SAMD5: variants seen among roughly 807,000 people sequenced by gnomAD.
The protein encoded by SAMD5 is sterile alpha motif domain-containing protein 5.
Under a neutral mutation model 11.3 loss-of-function variants are expected in SAMD5, and 13 were observed. The observed-to-expected ratio is 1.15, with a 90% confidence interval of 0.75 to 1.83. The LOEUF (loss-of-function observed/expected upper bound fraction) is 1.83. SAMD5 is among the 40% of genes most tolerant of loss of function. The pLI is 0.00. For missense variants in SAMD5, 255 were observed against 239.1 expected, an observed-to-expected ratio of 1.07 and a Z score of -0.44; for synonymous variants, 129 against 111.3, an observed-to-expected ratio of 1.16 and a Z score of -1.00.
chr6:147,665,148 T>C (rs2128454832), intron 1 of SAMD5, among the ~76,000 whole-genome samples: 1 of 152,364 alleles, frequency 6.6e-6, no homozygotes, highest in Admixed American at 6.5e-5. Flanking sequence ...GTGTTTAGAC[T>C]TAAAATTTAA....
At chr6:147,917,339 G>A in the SAMD5 span, among the ~76,000 whole-genome samples, 5 of 147,620 alleles carry the variant, frequency 3.4e-5, no homozygotes, top group African/African-American at 1.3e-4. Flanking sequence ...GTGTTTTTTG[G>A]CTGCATAAAT....
At chr6:147,697,625 A>T (rs1562354139) in intron 1 of SAMD5, among the ~76,000 whole-genome samples, 1 of 152,226 alleles carries the variant, frequency 6.6e-6, no homozygotes, top group Non-Finnish European at 1.5e-5. Flanking sequence ...TCTATAAAAA[A>T]ACTAAACTAA....
chr6:147,608,992 A>G (rs1789742757), intron 1 of SAMD5, among the ~76,000 whole-genome samples: 1 of 152,160 alleles, frequency 6.6e-6, no homozygotes, highest in Admixed American at 6.5e-5. Context: ...TAAAATAGAC[A>G]GTGATCACTT....
chr6:147,510,314 C>T (rs1320634102), intron 1 of SAMD5, among the ~76,000 whole-genome samples: 1 of 152,186 alleles, frequency 6.6e-6, no homozygotes, highest in Non-Finnish European at 1.5e-5. Context: ...AGCTGCGAGT[C>T]TGTTCCGTTT....
the SAMD5 span, among the ~76,000 whole-genome samples, chr6:147,771,534 A>T: frequency 6.6e-6 from 1 of 152,310 alleles, no homozygotes; most frequent in South Asian, 2.1e-4. Context: ...ATGCCTCTCA[A>T]ATGAGTGGAT....
the SAMD5 span, among the ~76,000 whole-genome samples, chr6:147,767,997 T>C: frequency 6.6e-6 from 1 of 152,232 alleles, no homozygotes; most frequent in Non-Finnish European, 1.5e-5. Context: ...GAACAGGTTC[T>C]TTTTGTTATG....
the SAMD5 span, among the ~76,000 whole-genome samples, chr6:147,926,638 G>T: frequency 2.0e-5 from 3 of 152,098 alleles, no homozygotes; most frequent in African/African-American, 7.2e-5. Context: ...TGTTTATTCT[G>T]TTGATAGTTT....
the SAMD5 span, among the ~76,000 whole-genome samples, chr6:147,917,799 G>C: frequency 6.6e-6 from 1 of 152,012 alleles, no homozygotes; most frequent in Non-Finnish European, 1.5e-5. Flanking sequence ...TCCCAGCACC[G>C]TTTATTAAAT....
the SAMD5 span, among the ~76,000 whole-genome samples, chr6:147,940,071 T>A: frequency 3.9e-4 from 60 of 152,196 alleles, no homozygotes; most frequent in African/African-American, 1.4e-3. Context: ...AGAGGTTAGA[T>A]AGTATGACCC....
In SAMD5 at chr6:147,567,000, A is replaced by T; in HGVS notation, c.*2544A>T. 1.2e-6 allele frequency: 1 copy of T among 843,084 alleles called. No individual in the cohort carries two copies. The highest frequency in any genetic ancestry group is 1.4e-6 in the Non-Finnish European group (1 of 700,530). 52.2% of individuals were successfully genotyped at this position (843,084 alleles called of 1,614,324 possible). A position where few individuals can be genotyped will look rare whatever the true frequency, so the allele number is the denominator to read the frequency against. The stretch of plus-strand genomic sequence containing the variant: ...GCAATTGACTAAGAATAAATATGTT[A>T]TAAAAACTAGGGGATTATCTTGATT... On this transcript the variant is annotated 3_prime_UTR_variant, in exon 2 of 2. Coordinates refer to ENST00000367474, the MANE Select transcript of SAMD5 (RefSeq NM_001030060.3).
At chr6:147,819,151 A>C in the SAMD5 span, among the ~76,000 whole-genome samples, 1 of 152,236 alleles carries the variant, frequency 6.6e-6, no homozygotes, top group African/African-American at 2.4e-5. Flanking sequence ...GCAGCCTTAA[A>C]AAGGAATGAG....
chr6:147,710,520 G>C (rs73014074), intron 1 of SAMD5, among the ~76,000 whole-genome samples: 13,923 of 152,104 alleles, frequency 0.092, 688 homozygotes, highest in Middle Eastern at 0.13. Context: ...CTCCCTGCTT[G>C]TTAGTTACTT....
At chr6:147,798,726 G>C in the SAMD5 span, among the ~76,000 whole-genome samples, 2 of 152,042 alleles carry the variant, frequency 1.3e-5, no homozygotes, top group Non-Finnish European at 2.9e-5. Flanking sequence ...GGTCACTCAG[G>C]ACTTGCTTTA....
intron 1 of SAMD5, among the ~76,000 whole-genome samples, chr6:147,677,278 T>G (rs1790877244): frequency 6.6e-6 from 1 of 151,548 alleles, no homozygotes; most frequent in Non-Finnish European, 1.5e-5. Context: ...AGTAAGAGAG[T>G]TTCTAAGAAT....
At chr6:147,614,597 G>C (rs1175469796) in intron 1 of SAMD5, among the ~76,000 whole-genome samples, 1 of 151,982 alleles carries the variant, frequency 6.6e-6, no homozygotes, top group African/African-American at 2.4e-5. Context: ...ATGATCCCAT[G>C]TCTATGAAGA....
At chr6:147,522,327 G>A (rs924915734) in intron 1 of SAMD5, among the ~76,000 whole-genome samples, 10 of 152,072 alleles carry the variant, frequency 6.6e-5, no homozygotes, top group African/African-American at 1.4e-4. Context: ...TCAGTTTAAC[G>A]TAGTTTTCAT....
the SAMD5 span, among the ~76,000 whole-genome samples, chr6:147,897,398 T>A: frequency 6.6e-6 from 1 of 152,230 alleles, no homozygotes; most frequent in East Asian, 1.9e-4. Flanking sequence ...AGAGCAGTCT[T>A]GGAGGAGGGG....
the SAMD5 span, among the ~76,000 whole-genome samples, chr6:147,782,935 G>T: frequency 6.6e-6 from 1 of 152,054 alleles, no homozygotes; most frequent in Non-Finnish European, 1.5e-5. Flanking sequence ...GGTTATTTAG[G>T]GAGATGATTT....
intron 1 of SAMD5, among the ~76,000 whole-genome samples, chr6:147,531,344 C>T (rs1788427666): frequency 6.6e-6 from 1 of 152,154 alleles, no homozygotes; most frequent in South Asian, 2.1e-4. Context: ...AATTGTAGAA[C>T]TGATTTTGGC....
Sources: allele counts gnomAD v4.1 joint callset (sites outside exome capture counted in the v4.1 genomes callset), GRCh38; gene constraint gnomAD v4.1.1; transcripts MANE v1.5; gene names NCBI Gene and HGNC (gene_info 2026-07-23, HGNC 2026-07-21).